ZNF236: variants seen among roughly 807,000 people sequenced by gnomAD.
ZNF236 encodes zinc finger protein 236.
Under a neutral mutation model 191.2 loss-of-function variants are expected in ZNF236, and 50 were observed. That is an observed-to-expected ratio of 0.26 (90% CI 0.21 to 0.33). The LOEUF is 0.33. ZNF236 is among the 10% of genes least tolerant of loss of function. The probability of loss-of-function intolerance (pLI) is 1.00; values close to 1 mark genes in which losing one functional copy is unlikely to be tolerated. For synonymous variants in ZNF236, 907 were observed against 928.8 expected, an observed-to-expected ratio of 0.98 and a Z score of 0.43; for missense variants, 1,754 against 2,374.5, an observed-to-expected ratio of 0.74 and a Z score of 5.43.
chr18:76,828,351 A>G (rs1317710241), intron 1 of ZNF236, among the ~76,000 whole-genome samples: 1 of 151,768 alleles, frequency 6.6e-6, no homozygotes, highest in Non-Finnish European at 1.5e-5. Flanking sequence ...TATTTTTACT[A>G]GGGATGGGGT....
At chr18:76,835,835 T>C (rs1341024328) in intron 1 of ZNF236, among the ~76,000 whole-genome samples, 1 of 152,240 alleles carries the variant, frequency 6.6e-6, no homozygotes, top group Non-Finnish European at 1.5e-5. Flanking sequence ...CCCCTTTCTT[T>C]CTTGCCTTCT....
chr18:76,868,622 CAGTTCTTTGAAGG>C, intron 3 of ZNF236, 50 bp from the exon 4 acceptor site: 1 of 1,383,840 alleles, frequency 7.2e-7, no homozygotes, highest in South Asian at 1.4e-5. Flanking sequence ...TTGATCATAC[CAGTTCTTTGAAGG>C]AGTGGTTTTG....
intron 10 of ZNF236, 176 bp downstream of exon 10, chr18:76,895,461 G>A (rs1050524562): frequency 2.0e-5 from 18 of 880,790 alleles, no homozygotes; most frequent in African/African-American, 5.1e-5. Flanking sequence ...AGTGTGGCCC[G>A]CAATGCAGCA....
chr18:76,914,744 G>A (rs1255440109), intron 18 of ZNF236, among the ~76,000 whole-genome samples: 1 of 152,192 alleles, frequency 6.6e-6, no homozygotes, highest in Non-Finnish European at 1.5e-5. Context: ...TGAGTTGTAA[G>A]AGGTTTTTAT....
chr18:76,907,762 G>A (rs1967096074), intron 13 of ZNF236, among the ~76,000 whole-genome samples: 1 of 150,760 alleles, frequency 6.6e-6, no homozygotes, highest in Non-Finnish European at 1.5e-5. Flanking sequence ...CTTTGAAAGA[G>A]AAATCGTTGA....
In ZNF236 at chr18:76,927,651, GAATAA is replaced by G. The variant is rs1252924542; in HGVS notation, c.4414+140_4414+144del. 8.1e-7 allele frequency: 1 copy of G among 1,229,388 alleles called. No individual in the cohort carries two copies. Among genetic ancestry groups the G allele is most frequent in the African/African-American group, 1.5e-5 (1 of 65,674 alleles). The allele number at this position is 1,229,388 out of a possible 1,614,324, so 76.2% of individuals were successfully genotyped here. ...GAAGAGAATAAATCAAATGTCCTGA[GAATAA>G]AATAAGCTTTTCTTACAATTAATGA... On this transcript the variant is annotated intron_variant, in intron 24 of 30. Coordinates refer to ENST00000320610, the MANE Select transcript of ZNF236 (RefSeq NM_001306089.2). This position sits in a 1 kb window ranked among gnomAD's most constrained non-coding sequence, Gnocchi z 5.4.
At chr18:76,850,318 T>C (rs1358243998) in intron 2 of ZNF236, among the ~76,000 whole-genome samples, 2 of 152,204 alleles carry the variant, frequency 1.3e-5, no homozygotes, top group African/African-American at 2.4e-5. Flanking sequence ...GAGAACAGGA[T>C]GTGACCATCT....
At chr18:76,859,612 A>G (rs1421238172) in intron 3 of ZNF236, among the ~76,000 whole-genome samples, 1 of 152,132 alleles carries the variant, frequency 6.6e-6, no homozygotes, top group Non-Finnish European at 1.5e-5. Context: ...ATCTTTAACC[A>G]CAGCAACCGT....
intron 3 of ZNF236, among the ~76,000 whole-genome samples, chr18:76,864,073 G>T (rs1049190241): frequency 6.6e-6 from 1 of 152,128 alleles, no homozygotes; most frequent in East Asian, 1.9e-4. Context: ...GGATTCTCCC[G>T]CAGACGGCCT....
chr18:76,926,549 G>T (rs1967683114), intron 22 of ZNF236, among the ~76,000 whole-genome samples: 1 of 151,902 alleles, frequency 6.6e-6, no homozygotes, highest in African/African-American at 2.4e-5. Flanking sequence ...GACTGTGTGT[G>T]TATATATGGT....
intron 1 of ZNF236, among the ~76,000 whole-genome samples, chr18:76,828,310 G>GT (rs1193196143): frequency 6.6e-6 from 1 of 151,998 alleles, no homozygotes; most frequent in East Asian, 1.9e-4. Context: ...GGGATTACAG[G>GT]TGCATGCCAC....
In ZNF236 at chr18:76,880,628, G is replaced by C. The variant is rs1184239388; in HGVS notation, c.1188+312G>C. Among the ~76,000 whole-genome samples, 4 of 152,162 alleles carry C rather than the reference G, an allele frequency of 2.6e-5. No individual in the cohort carries two copies. The highest frequency in any genetic ancestry group is 7.2e-5 in the African/African-American group (3 of 41,528). ...TTATGTTGACAGAGGTGGAAAAAGC[G>C]TTTTATTCTTTCTTGAGGTTCTGGT... On this transcript the variant is annotated intron_variant, in intron 8 of 30. Coordinates refer to ENST00000320610, the MANE Select transcript of ZNF236 (RefSeq NM_001306089.2). The surrounding 1 kb of genome is among the most constrained non-coding windows in gnomAD (Gnocchi z 5.0).
At chr18:76,869,910 C>G (rs1032850660) in intron 4 of ZNF236, among the ~76,000 whole-genome samples, 1 of 152,110 alleles carries the variant, frequency 6.6e-6, no homozygotes, top group Non-Finnish European at 1.5e-5. Flanking sequence ...GAGCCGAGAT[C>G]GTGCCACTGC....
chr18:76,968,100 A>G (rs1358135098), intron 30 of ZNF236, 115 bp from the exon 31 acceptor site: 20 of 1,388,664 alleles, frequency 1.4e-5, no homozygotes, highest in Non-Finnish European at 1.9e-5. Context: ...AATGAAAAGC[A>G]AATTACTTTA....
rs1001657212 is a variant in ZNF236, at chr18:76,952,532, C to T, written c.4915-3453C>T. 3.3e-5 allele frequency among the ~76,000 whole-genome samples: 5 copies of T among 152,204 alleles called. No individual in the cohort carries two copies. In the South Asian group the frequency reaches 8.3e-4, roughly 25 times the overall value. ...AGCACCCTGGGTTTATCTGAACCCA[C>T]GACAGAGTGGCTGGGAGTGCTGGCT... is the stretch of plus-strand genomic sequence containing the variant. On this transcript the variant is annotated intron_variant, in intron 27 of 30. Transcript: ENST00000320610.
At chr18:76,933,450 C>T (rs1488936068) in intron 25 of ZNF236, among the ~76,000 whole-genome samples, 1 of 149,148 alleles carries the variant, frequency 6.7e-6, no homozygotes, top group African/African-American at 2.5e-5. Context: ...GGGTGACGAG[C>T]AAAACTCCGT....
In ZNF236 at chr18:76,895,017, C is replaced by T; in HGVS notation, c.1422C>T (p.Ser474=). Reference sequence around the variant, plus strand: ...ACGTGTCCTCTCCCTTCACAGGCTCCATCCGCGAGGAGAACGGCGTGCGCT... The same window carrying T: ...ACGTGTCCTCTCCCTTCACAGGCTCTATCCGCGAGGAGAACGGCGTGCGCT... ...IKKKSPFLPG[S]IREENGVRWH... is the part of the protein sequence containing the mutation. The change falls in exon 10 of 31, where the codon TCC becomes TCT. Residue 474 remains serine (S), a synonymous_variant. Transcript: ENST00000320610. 1 of 1,608,758 alleles carries T rather than the reference C, an allele frequency of 6.2e-7. No individual in the cohort carries two copies. Among genetic ancestry groups the T allele is most frequent in the Non-Finnish European group, 8.5e-7 (1 of 1,179,930 alleles).
chr18:76,866,488 C>T (rs535732445), intron 3 of ZNF236, among the ~76,000 whole-genome samples: 2 of 152,354 alleles, frequency 1.3e-5, no homozygotes, highest in East Asian at 1.9e-4. Context: ...CTGGTGAACA[C>T]ACGCTGCCAT....
At chr18:76,908,625 CCTTT>C in intron 14 of ZNF236, 52 bp downstream of exon 14, 1 of 1,555,252 alleles carries the variant, frequency 6.4e-7, no homozygotes. Context: ...AGTTTTGCAG[CCTTT>C]CCCACTCATT....
Sources: gnomAD v4.1 joint callset for allele counts (sites outside exome capture counted in the v4.1 genomes callset) on GRCh38, gnomAD v4.1.1 for gene constraint, Gnocchi (gnomAD v3.1) non-coding constraint, MANE v1.5 for transcripts, NCBI Gene and HGNC (gene_info 2026-07-23, HGNC 2026-07-21) for gene names.